Variants in PDE10A observed in about 807,000 individuals in gnomAD.
PDE10A encodes phosphodiesterase 10A.
Under a neutral mutation model 97.7 loss-of-function variants are expected in PDE10A, and 39 were observed. The observed-to-expected ratio is 0.40, with a 90% CI of 0.31 to 0.52. The LOEUF (loss-of-function observed/expected upper bound fraction) is 0.52. Among genes scored for constraint, PDE10A ranks in the 20% least tolerant of loss-of-function variants. The probability of loss-of-function intolerance (pLI) is 0.56; values close to 1 mark genes in which losing one functional copy is unlikely to be tolerated. For missense variants in PDE10A, 731 were observed against 1,047.8 expected (o/e 0.70, Z 4.17); for synonymous variants, 371 against 376.8 (o/e 0.98, Z 0.18).
At chr6:165,558,998 T>TG (rs1562580221) in intron 1 of PDE10A, among the ~76,000 whole-genome samples, 1 of 148,508 alleles carries the variant, frequency 6.7e-6, no homozygotes, top group African/African-American at 2.5e-5. Flanking sequence ...ACAATTCAAG[T>TG]AAAAAAAAAA....
intron 1 of PDE10A, among the ~76,000 whole-genome samples, chr6:165,769,432 G>C (rs1161063000): frequency 6.6e-6 from 1 of 152,250 alleles, no homozygotes; most frequent in East Asian, 1.9e-4. Flanking sequence ...TTGAAAAATA[G>C]TGAAAAGTTG....
intron 1 of PDE10A, among the ~76,000 whole-genome samples, chr6:165,972,454 G>A (rs1300632589): frequency 6.6e-6 from 1 of 151,886 alleles, no homozygotes; most frequent in African/African-American, 2.4e-5. Context: ...TCTCTGTCAC[G>A]AAAAAAAATT....
chr6:165,387,201 A>T (rs1197050192), intron 17 of PDE10A, among the ~76,000 whole-genome samples: 1 of 152,214 alleles, frequency 6.6e-6, no homozygotes, highest in Non-Finnish European at 1.5e-5. Flanking sequence ...GATGGCTTGA[A>T]AATGACTCAA....
chr6:165,651,491 G>T (rs993909108), intron 1 of PDE10A, among the ~76,000 whole-genome samples: 1 of 152,204 alleles, frequency 6.6e-6, no homozygotes, highest in Non-Finnish European at 1.5e-5. Context: ...TTAACATGGT[G>T]TTGGAGCTTC....
chr6:165,618,496 G>A (rs1787827888), intron 1 of PDE10A, among the ~76,000 whole-genome samples: 1 of 152,106 alleles, frequency 6.6e-6, no homozygotes, highest in Non-Finnish European at 1.5e-5. Context: ...ACACAGACAT[G>A]GCCCGCCCAC....
intron 1 of PDE10A, among the ~76,000 whole-genome samples, chr6:165,825,990 A>C (rs116320299): frequency 6.6e-6 from 1 of 152,214 alleles, no homozygotes; most frequent in Non-Finnish European, 1.5e-5. Flanking sequence ...AAAGGAAAAG[A>C]AGCATTCCAA....
intron 18 of PDE10A, among the ~76,000 whole-genome samples, chr6:165,357,874 C>G (rs149503876): frequency 2.2e-4 from 34 of 152,128 alleles, no homozygotes; most frequent in African/African-American, 7.9e-4. Context: ...TATTTACTTC[C>G]CACAAGTTAG....
intron 1 of PDE10A, among the ~76,000 whole-genome samples, chr6:165,832,628 G>T (rs1056885569): frequency 2.6e-5 from 4 of 152,130 alleles, no homozygotes; most frequent in African/African-American, 7.2e-5. Flanking sequence ...CAGTATCAGC[G>T]TTCCCACCCA....
chr6:165,741,954 A>C (rs1792736645), intron 1 of PDE10A, among the ~76,000 whole-genome samples: 1 of 152,198 alleles, frequency 6.6e-6, no homozygotes, highest in Admixed American at 6.5e-5. Context: ...AAAATGCATA[A>C]TGCAATTAGA....
chr6:165,705,228 T>C (rs1791678526), intron 1 of PDE10A, among the ~76,000 whole-genome samples: 1 of 152,248 alleles, frequency 6.6e-6, no homozygotes, highest in African/African-American at 2.4e-5. Flanking sequence ...TAAGACCAGG[T>C]AGAGATCATC....
chr6:165,483,253 C>T (rs182331675), intron 2 of PDE10A, among the ~76,000 whole-genome samples: 1 of 152,188 alleles, frequency 6.6e-6, no homozygotes, highest in African/African-American at 2.4e-5. Context: ...TTGTCTGTCA[C>T]CATCAGAATG....
intron 1 of PDE10A, among the ~76,000 whole-genome samples, chr6:165,975,684 C>A (rs1008858378): frequency 1.3e-5 from 2 of 152,214 alleles, no homozygotes; most frequent in African/African-American, 2.4e-5. Context: ...GAAACACCCT[C>A]ACTATGACTA....
intron 1 of PDE10A, chr6:165,947,239 C>T (rs541206753): frequency 5.3e-5 from 8 of 152,264 alleles, no homozygotes; most frequent in South Asian, 2.1e-4. Context: ...CAGATCTAAA[C>T]GTTTATAAAT....
intron 19 of PDE10A, among the ~76,000 whole-genome samples, chr6:165,341,109 G>A (rs1781944484): frequency 6.6e-6 from 1 of 152,128 alleles, no homozygotes; most frequent in Non-Finnish European, 1.5e-5. Flanking sequence ...ACCTGAAGAG[G>A]GGAAAGATTG....
At chr6:165,355,021 C>G (rs1468840023) in intron 18 of PDE10A, among the ~76,000 whole-genome samples, 3 of 152,062 alleles carry the variant, frequency 2.0e-5, no homozygotes, top group Non-Finnish European at 4.4e-5. Context: ...GGATTGCTTC[C>G]ATGAGCTTAT....
chr6:165,957,371 C>T (rs954099732), intron 1 of PDE10A, among the ~76,000 whole-genome samples: 1 of 152,088 alleles, frequency 6.6e-6, no homozygotes, highest in African/African-American at 2.4e-5. Context: ...GTCCCAGCTA[C>T]TTGGGAGGCT....
At position 165,440,803 on chromosome 6, in the gene PDE10A, C is replaced by CTA. The variant is rs141047307; in HGVS notation, c.1195-5428_1195-5427dup. On this transcript the variant is annotated intron_variant, in intron 5 of 21. Coordinates refer to ENST00000539869, the MANE Select transcript of PDE10A (RefSeq NM_001385079.1). The stretch of plus-strand genomic sequence containing the variant: ...ATGGAAAGGTTGTTTTTAAAATAAC[C>CTA]TATATATATATATACAATAAATTTA... 2.1e-3 allele frequency among the ~76,000 whole-genome samples: 316 copies of CTA among 150,114 alleles called. No individual in the cohort carries two copies. The South Asian group carries it at 0.022, about 11-fold the overall frequency.
chr6:165,549,185 A>G (rs76749072), intron 1 of PDE10A, among the ~76,000 whole-genome samples: 2,208 of 152,344 alleles, frequency 0.014, 49 homozygotes, highest in African/African-American at 0.05. Flanking sequence ...TTCAGTAAAT[A>G]GAAGTATTTC....
chr6:165,619,192 G>A (rs1247942258), intron 1 of PDE10A, among the ~76,000 whole-genome samples: 8 of 122,108 alleles, frequency 6.6e-5, no homozygotes, highest in African/African-American at 3.8e-4. Context: ...GTGTAGTCTA[G>A]TGTAGTGTAA....
Sources: gnomAD v4.1 joint callset for allele counts (sites outside exome capture counted in the v4.1 genomes callset) on GRCh38, gnomAD v4.1.1 for gene constraint, MANE v1.5 for transcripts, NCBI Gene and HGNC (gene_info 2026-07-23, HGNC 2026-07-21) for gene names.